Variants in TENM3 observed in about 807,000 individuals in gnomAD.
The protein encoded by TENM3 is teneurin transmembrane protein 3, also known as teneurin-3.
In TENM3, 63 loss-of-function variants were observed where a neutral mutation model predicts 255.1. The observed-to-expected ratio is 0.25, with a 90% confidence interval of 0.20 to 0.30. The LOEUF is 0.30. Among genes scored for constraint, TENM3 ranks in the 10% least tolerant of loss-of-function variants. TENM3 has a pLI of 1.00. For missense variants in TENM3, 2,929 were observed against 3,461.1 expected, an observed-to-expected ratio of 0.85 and a Z score of 3.86; for synonymous variants, 1,306 against 1,322.3, an observed-to-expected ratio of 0.99 and a Z score of 0.27.
the TENM3 span, among the ~76,000 whole-genome samples, chr4:182,063,718 A>G: frequency 6.6e-6 from 1 of 152,248 alleles, no homozygotes; most frequent in African/African-American, 2.4e-5. Flanking sequence ...GGTCAGAGAT[A>G]CAAGAAGCGT....
chr4:182,450,903 G>C (rs1448487124), intron 3 of TENM3, among the ~76,000 whole-genome samples: 1 of 152,178 alleles, frequency 6.6e-6, no homozygotes. Context: ...AATGACAGTT[G>C]ACATCAGGAA....
Position 182,559,197 on chromosome 4 carries a change from C to T in TENM3, c.512-41727C>T, listed in dbSNP as rs1182046644. On this transcript the variant is annotated intron_variant, in intron 3 of 27. Coordinates refer to ENST00000511685, the MANE Select transcript of TENM3 (RefSeq NM_001080477.4). Reference sequence around the variant, plus strand: ...TCCATCCAACCAAAATATTTTATAGCGCTTACGTTAACTGACATTTTAAAA... The same window carrying T: ...TCCATCCAACCAAAATATTTTATAGTGCTTACGTTAACTGACATTTTAAAA... 5.9e-5 allele frequency among the ~76,000 whole-genome samples: 8 copies of T among 136,362 alleles called. No individual in the cohort carries two copies. In the East Asian group the frequency reaches 8.4e-4, roughly 14 times the overall value. 89.5% of individuals were successfully genotyped at this position (136,362 alleles called of 152,430 possible).
chr4:181,577,046 A>G, the TENM3 span, among the ~76,000 whole-genome samples: 5 of 126,854 alleles, frequency 3.9e-5, no homozygotes, highest in African/African-American at 5.8e-5. Context: ...ATTTTATTAT[A>G]TAATAATAAA....
the TENM3 span, among the ~76,000 whole-genome samples, chr4:181,567,356 C>A: frequency 6.6e-6 from 1 of 152,140 alleles, no homozygotes; most frequent in Non-Finnish European, 1.5e-5. Context: ...GTGTCTCTTG[C>A]AAATGTAGAA....
At chr4:181,661,935 G>A in the TENM3 span, among the ~76,000 whole-genome samples, 8 of 150,416 alleles carry the variant, frequency 5.3e-5, no homozygotes, top group East Asian at 3.9e-4. Context: ...TCTGCTTTTC[G>A]GTTCTTGGGC....
chr4:182,767,056 CG>C (rs1278180132), intron 22 of TENM3, among the ~76,000 whole-genome samples: 2 of 152,078 alleles, frequency 1.3e-5, no homozygotes, highest in Non-Finnish European at 2.9e-5. Flanking sequence ...ATGATGTGGG[CG>C]TAGGCGACTG....
chr4:182,251,956 G>A (rs1758040237), intron 1 of TENM3, among the ~76,000 whole-genome samples: 1 of 152,144 alleles, frequency 6.6e-6, no homozygotes, highest in Non-Finnish European at 1.5e-5. Context: ...GCTGAGGTGG[G>A]CAGATCACCT....
intron 3 of TENM3, among the ~76,000 whole-genome samples, chr4:182,589,969 C>T (rs1746439118): frequency 6.6e-6 from 1 of 152,038 alleles, no homozygotes; most frequent in Non-Finnish European, 1.5e-5. Context: ...CCAAGCAAGA[C>T]TCTGTCTCAA....
At chr4:182,209,155 ACG>A (rs1206956018) in intron 1 of TENM3, among the ~76,000 whole-genome samples, 2 of 150,814 alleles carry the variant, frequency 1.3e-5, no homozygotes. Flanking sequence ...TTTAGTAGCA[ACG>A]GGGTTTCACC....
At chr4:182,327,548 C>A (rs367838778) in intron 2 of TENM3, among the ~76,000 whole-genome samples, 8 of 152,306 alleles carry the variant, frequency 5.3e-5, no homozygotes, top group African/African-American at 1.9e-4. Context: ...TACTGACTGG[C>A]AGGTGACTAC....
At chr4:181,695,154 A>T in the TENM3 span, among the ~76,000 whole-genome samples, 1 of 152,334 alleles carries the variant, frequency 6.6e-6, no homozygotes, top group African/African-American at 2.4e-5. Context: ...TGCCTAACAA[A>T]TAATTTTGCT....
the TENM3 span, among the ~76,000 whole-genome samples, chr4:181,812,085 A>G: frequency 6.6e-6 from 1 of 152,152 alleles, no homozygotes; most frequent in Non-Finnish European, 1.5e-5. Context: ...CATTCTTGCC[A>G]CTAGGAACTA....
the TENM3 span, among the ~76,000 whole-genome samples, chr4:181,479,811 C>G: frequency 1.5e-3 from 222 of 152,216 alleles, 1 homozygote; most frequent in Middle Eastern, 3.4e-3. Flanking sequence ...TCAGTTCCTT[C>G]AGCTATCATG....
chr4:182,712,773 G>A (rs144354239), intron 12 of TENM3, among the ~76,000 whole-genome samples: 2 of 152,256 alleles, frequency 1.3e-5, no homozygotes, highest in African/African-American at 2.4e-5. Flanking sequence ...TTTTGTCACC[G>A]GAGCAATAGT....
At chr4:181,991,819 A>T in the TENM3 span, among the ~76,000 whole-genome samples, 1 of 152,144 alleles carries the variant, frequency 6.6e-6, no homozygotes, top group Non-Finnish European at 1.5e-5. Context: ...CCAGTTCCAG[A>T]GATTTCAACC....
chr4:182,025,122 G>A, the TENM3 span, among the ~76,000 whole-genome samples: 148 of 150,360 alleles, frequency 9.8e-4, no homozygotes, highest in African/African-American at 3.5e-3. Context: ...TCCGCCTTGC[G>A]GGTTCACGCC....
At chr4:182,402,010 A>G (rs1480694139) in intron 3 of TENM3, among the ~76,000 whole-genome samples, 1 of 152,216 alleles carries the variant, frequency 6.6e-6, no homozygotes. Context: ...ATTTACAAGT[A>G]TCGACTAACA....
At chr4:181,840,768 G>T in the TENM3 span, among the ~76,000 whole-genome samples, 1 of 152,060 alleles carries the variant, frequency 6.6e-6, no homozygotes, top group Non-Finnish European at 1.5e-5. Flanking sequence ...TGAGCCATGG[G>T]CTTTGAACCC....
chr4:181,453,271 G>T, the TENM3 span, among the ~76,000 whole-genome samples: 3 of 152,158 alleles, frequency 2.0e-5, no homozygotes, highest in Non-Finnish European at 4.4e-5. Flanking sequence ...TGATGGAGTC[G>T]AATAATAGGC....
Sources: allele counts gnomAD v4.1 joint callset (sites outside exome capture counted in the v4.1 genomes callset), GRCh38; gene constraint gnomAD v4.1.1; transcripts MANE v1.5; gene names NCBI Gene and HGNC (gene_info 2026-07-23, HGNC 2026-07-21).